MEGF6: variants seen among roughly 807,000 people sequenced by gnomAD.
The protein encoded by MEGF6 is multiple epidermal growth factor-like domains protein 6.
In MEGF6, 184 loss-of-function variants were observed where a neutral mutation model predicts 207.1. That is an observed-to-expected ratio of 0.89 (90% CI 0.79 to 1.00). MEGF6 has a LOEUF of 1.00. Among genes scored for constraint, MEGF6 ranks in the 50% least tolerant of loss-of-function variants. The probability of loss-of-function intolerance (pLI) is 0.00; values close to 1 mark genes in which losing one functional copy is unlikely to be tolerated. For missense variants in MEGF6, 2,282 were observed against 2,202.9 expected (o/e 1.04, Z -0.72); for synonymous variants, 1,038 against 910.0 (o/e 1.14, Z -2.53).
chr1:3,607,895 C>T (rs761965646), intron 1 of MEGF6, among the ~76,000 whole-genome samples: 1 of 152,202 alleles, frequency 6.6e-6, no homozygotes, highest in East Asian at 1.9e-4. Context: ...GGGCAGGCAG[C>T]GACAGTCTGG....
intron 10 of MEGF6, 87 bp downstream of exon 10, chr1:3,510,696 G>A (rs895355528): frequency 1.3e-6 from 2 of 1,491,902 alleles, no homozygotes; most frequent in Non-Finnish European, 1.8e-6. Flanking sequence ...GCCCACCATG[G>A]GGGTACCAGA....
At chr1:3,571,600 T>C (rs1376431798) in intron 4 of MEGF6, among the ~76,000 whole-genome samples, 1 of 151,584 alleles carries the variant, frequency 6.6e-6, no homozygotes, top group East Asian at 2.0e-4. Flanking sequence ...TTCCTGCATA[T>C]GCTGGGTCAT....
At chr1:3,589,107 C>A (rs1643937923) in intron 3 of MEGF6, among the ~76,000 whole-genome samples, 1 of 152,124 alleles carries the variant, frequency 6.6e-6, no homozygotes, top group South Asian at 2.1e-4. Context: ...ATAGAAAAGG[C>A]CCCAGAGACA....
intron 4 of MEGF6, among the ~76,000 whole-genome samples, chr1:3,552,378 A>G (rs1425676117): frequency 9.9e-5 from 15 of 152,236 alleles, no homozygotes; most frequent in Admixed American, 9.8e-4. Flanking sequence ...ACTGGGGTCT[A>G]GGACAGAGCC....
chr1:3,524,595 G>A (rs923367300), intron 4 of MEGF6, among the ~76,000 whole-genome samples: 5 of 152,200 alleles, frequency 3.3e-5, no homozygotes, highest in African/African-American at 9.7e-5. Context: ...CTTCCTGGGC[G>A]GTGTCAACCG....
In MEGF6 at chr1:3,501,161, G is replaced by T; in HGVS notation, c.2446+16C>A. The T allele has an allele frequency of 6.2e-7, 1 of 1,612,560 alleles. No individual in the cohort carries two copies. The highest frequency in any genetic ancestry group is 1.3e-5 in the African/African-American group (1 of 75,028). On this transcript the variant is annotated intron_variant, in intron 19 of 36. Transcript: ENST00000356575. ...ACCCCAGGTCAAAGGCTCAGGGGCA[G>T]CTCCAGCTCACTCACCGTCCTGGCA...
intron 4 of MEGF6, among the ~76,000 whole-genome samples, chr1:3,549,417 T>A (rs548124599): frequency 2.6e-4 from 39 of 152,056 alleles, no homozygotes; most frequent in Non-Finnish European, 5.0e-4. Flanking sequence ...AGGTGACGGC[T>A]CCTCCCCAAA....
intron 4 of MEGF6, among the ~76,000 whole-genome samples, chr1:3,555,562 C>T (rs1441270926): frequency 2.6e-5 from 4 of 152,222 alleles, no homozygotes; most frequent in African/African-American, 4.8e-5. Context: ...GTCTGGCCTG[C>T]GGCCCCCATC....
At chr1:3,555,434 G>C (rs1643005619) in intron 4 of MEGF6, among the ~76,000 whole-genome samples, 1 of 152,358 alleles carries the variant, frequency 6.6e-6, no homozygotes, top group African/African-American at 2.4e-5. Context: ...GTCCAGACGA[G>C]ACAGGAAAGT....
rs57713922 is a variant in MEGF6 at position 3,538,745 on chromosome 1, T to TGTGTGTGTGTGTGTGTGTGTGTGTGA, written c.482-14500_482-14499insTCACACACACACACACACACACACAC. Among the ~76,000 whole-genome samples the TGTGTGTGTGTGTGTGTGTGTGTGTGA allele has an allele frequency of 2.4e-5, 3 of 126,424 alleles. No homozygotes were observed. In the East Asian group the frequency reaches 7.0e-4, roughly 29 times the overall value. 82.9% of individuals were successfully genotyped at this position (126,424 alleles called of 152,430 possible). A position where few individuals can be genotyped will look rare whatever the true frequency, so the allele number is the denominator to read the frequency against. On this transcript the variant is annotated intron_variant, in intron 4 of 36. Transcript: ENST00000356575. Reference sequence around the variant, plus strand: ...GTGTGTGTGTGTGTGTGTGTGTGTGTCCGCGCTGTCTGTGGGTTCTCTGTT... The same window carrying TGTGTGTGTGTGTGTGTGTGTGTGTGA: ...GTGTGTGTGTGTGTGTGTGTGTGTGTGTGTGTGTGTGTGTGTGTGTGTGTGACCGCGCTGTCTGTGGGTTCTCTGTT...
At chr1:3,514,454 G>T in intron 7 of MEGF6, 96 bp downstream of exon 7, 1 of 1,430,134 alleles carries the variant, frequency 7.0e-7, no homozygotes, top group Non-Finnish European at 9.3e-7. Flanking sequence ...GGTCTCATGG[G>T]AGGCCACGGC....
intron 9 of MEGF6, among the ~76,000 whole-genome samples, chr1:3,511,317 C>T (rs576768131): frequency 1.3e-5 from 2 of 152,224 alleles, no homozygotes; most frequent in East Asian, 1.9e-4. Flanking sequence ...AAGGGGGTGC[C>T]GTGAACATGG....
chr1:3,541,504 C>T (rs1642517467), intron 4 of MEGF6, among the ~76,000 whole-genome samples: 1 of 152,238 alleles, frequency 6.6e-6, no homozygotes, highest in Admixed American at 6.5e-5. Flanking sequence ...TGCAGGCGGA[C>T]ATGCGGGCAC....
intron 36 of MEGF6, 125 bp from the exon 37 acceptor site, chr1:3,490,714 G>T: frequency 8.8e-7 from 1 of 1,140,146 alleles, no homozygotes. Flanking sequence ...GCAGGTGGGT[G>T]GGGCCCACCC....
At chr1:3,575,057 A>G (rs1643603857) in intron 4 of MEGF6, among the ~76,000 whole-genome samples, 1 of 152,194 alleles carries the variant, frequency 6.6e-6, no homozygotes, top group South Asian at 2.1e-4. Context: ...ATCTGTAGAG[A>G]CTTTTGTGAC....
At chr1:3,520,557 C>T (rs532876888) in intron 5 of MEGF6, among the ~76,000 whole-genome samples, 1 of 152,136 alleles carries the variant, frequency 6.6e-6, no homozygotes, top group South Asian at 2.1e-4. Flanking sequence ...ACCGGGCGCC[C>T]TGGGCAATGG....
intron 1 of MEGF6, among the ~76,000 whole-genome samples, chr1:3,609,589 G>C (rs976540220): frequency 2.0e-5 from 3 of 152,270 alleles, no homozygotes; most frequent in Non-Finnish European, 4.4e-5. Flanking sequence ...AGAAGAGCAG[G>C]ATGTGAAGGA....
At chr1:3,543,168 C>G (rs1207460724) in intron 4 of MEGF6, among the ~76,000 whole-genome samples, 1 of 152,248 alleles carries the variant, frequency 6.6e-6, no homozygotes, top group East Asian at 1.9e-4. Context: ...GGAGACGCTC[C>G]CAGGGCCGGG....
chr1:3,615,564 C>T (rs1448027594), upstream of MEGF6, among the ~76,000 whole-genome samples: 2 of 152,252 alleles, frequency 1.3e-5, no homozygotes, highest in African/African-American at 4.8e-5. Context: ...GAAGTACAGA[C>T]CCGGTGAGTC....
Sources: allele counts gnomAD v4.1 joint callset (sites outside exome capture counted in the v4.1 genomes callset), GRCh38; gene constraint gnomAD v4.1.1; transcripts MANE v1.5; gene names NCBI Gene and HGNC (gene_info 2026-07-23, HGNC 2026-07-21).